The following NLRP3 variants were observed in gnomAD, a reference collection of about 807,000 sequenced individuals.
NLRP3 encodes NACHT, LRR and PYD domains-containing protein 3.
NLRP3 carries 48 observed loss-of-function variants against 91.3 expected under a neutral mutation model. That is an observed-to-expected ratio of 0.53 (90% CI 0.42 to 0.67). The LOEUF is 0.67. NLRP3 is among the 30% of genes least tolerant of loss of function. NLRP3 has a pLI of 0.00. For synonymous variants in NLRP3, 561 were observed against 507.9 expected, an observed-to-expected ratio of 1.10 and a Z score of -1.41; for missense variants, 982 against 1,276.9, an observed-to-expected ratio of 0.77 and a Z score of 3.52.
chr1:247,428,963 G>A (rs151244608), intron 4 of NLRP3, among the ~76,000 whole-genome samples: 3,644 of 150,842 alleles, frequency 0.024, 139 homozygotes, highest in African/African-American at 0.084. Flanking sequence ...CATGATCTTG[G>A]CTCACTGCAA....
At chr1:247,419,305 A>C (rs547515728) in intron 2 of NLRP3, among the ~76,000 whole-genome samples, 1 of 151,544 alleles carries the variant, frequency 6.6e-6, no homozygotes, top group Admixed American at 6.6e-5. Context: ...CAGGCATTGC[A>C]CCTCCACGCC....
intron 4 of NLRP3, among the ~76,000 whole-genome samples, chr1:247,427,603 G>A (rs1207535616): frequency 1.3e-5 from 2 of 151,112 alleles, no homozygotes; most frequent in Non-Finnish European, 2.9e-5. Context: ...TTACTCTGAG[G>A]ACAGACTCTC....
intron 7 of NLRP3, among the ~76,000 whole-genome samples, chr1:247,438,762 A>T (rs1351351064): frequency 2.6e-5 from 4 of 152,208 alleles, no homozygotes; most frequent in Admixed American, 6.5e-5. Context: ...AATTTCAACA[A>T]CAGTAGGTCT....
chr1:247,445,410 C>A (rs1485913122), intron 9 of NLRP3, among the ~76,000 whole-genome samples: 2 of 152,124 alleles, frequency 1.3e-5, no homozygotes, highest in African/African-American at 4.8e-5. Context: ...CTGTGTTAGC[C>A]AGGATGGTCT....
Position 247,444,670 on chromosome 1 carries a change from AC to A in NLRP3, c.2855del (p.Thr952SerfsTer12). 6.2e-7 allele frequency: 1 copy of A among 1,613,958 alleles called. No homozygotes were observed. Among genetic ancestry groups the A allele is most frequent in the Non-Finnish European group, 8.5e-7 (1 of 1,180,006 alleles). ...TTGCAGATTAGACAACTGCAACCTCACGTCACACTGCTGCTGGGATCTTTCC... is the reference window on the plus strand; with the variant it reads ...TTGCAGATTAGACAACTGCAACCTCAGTCACACTGCTGCTGGGATCTTTCC... ...QVLELDNCNLTSHCCWDLSTL... is the reference protein window; with the variant it reads ...QVLELDNCNLXSHCCWDLSTL... On this transcript the variant is annotated frameshift_variant, in exon 9 of 10. Coordinates refer to ENST00000336119, the MANE Select transcript of NLRP3 (RefSeq NM_001243133.2). LOFTEE classifies it high-confidence loss of function.
chr1:247,427,980 T>C (rs113723472), intron 4 of NLRP3, among the ~76,000 whole-genome samples: 19 of 98,372 alleles, frequency 1.9e-4, no homozygotes, highest in Middle Eastern at 8.8e-3. Context: ...CAGACTCTGA[T>C]TGGAGCCCTG....
In NLRP3 at chr1:247,424,146, C is replaced by T. The variant is rs1375809287; in HGVS notation, c.697C>T (p.Leu233=). Residue 233 remains leucine (L), a synonymous_variant, in exon 4 of 10, where the codon CTG becomes TTG. Transcript: ENST00000336119. The surrounding 1 kb of genome is among the most constrained non-coding windows in gnomAD (Gnocchi z 8.1). The part of the protein sequence containing the change: ...QGAAGIGKTI[L]ARKMMLDWAS... The stretch of plus-strand genomic sequence containing the variant: ...GGCGGCAGGGATTGGGAAAACAATC[C>T]TGGCCAGGAAGATGATGTTGGACTG... 3.1e-6 allele frequency: 5 copies of T among 1,614,050 alleles called. No individual in the cohort carries two copies. The South Asian group carries it at 5.5e-5, about 18-fold the overall frequency.
Position 247,429,619 on chromosome 1 carries a change from C to A in NLRP3, c.2185C>A (p.Arg729=), listed in dbSNP as rs148590318. The change falls in exon 5 of 10, where the codon CGG becomes AGG. Residue 729 remains arginine (R), a synonymous_variant. Coordinates refer to ENST00000336119, the MANE Select transcript of NLRP3 (RefSeq NM_001243133.2). ...VNSHLTSSFC[R]GLFSVLSTSQ... is the part of the protein sequence containing the mutation. Reference sequence around the variant, plus strand: ...CAGCCACCTCACTTCCAGTTTTTGCCGGGGCCTCTTTTCAGTTCTGAGCAC... The same window carrying A: ...CAGCCACCTCACTTCCAGTTTTTGCAGGGGCCTCTTTTCAGTTCTGAGCAC... 3.3e-5 allele frequency: 54 copies of A among 1,614,144 alleles called. 1 individual carries two copies. The highest frequency in any genetic ancestry group is 1.9e-4 in the South Asian group (17 of 91,084).
At chr1:247,435,878 G>A in intron 6 of NLRP3, 92 bp from the exon 7 acceptor site, 1 of 1,165,902 alleles carries the variant, frequency 8.6e-7, no homozygotes, top group Non-Finnish European at 1.3e-6. Context: ...TGTGTAAACT[G>A]GAGTAGAGGC....
intron 7 of NLRP3, among the ~76,000 whole-genome samples, chr1:247,438,934 T>A (rs1664000056): frequency 2.0e-5 from 3 of 152,172 alleles, no homozygotes; most frequent in African/African-American, 7.2e-5. Context: ...AGACTTTTTT[T>A]AATACAATAG....
intron 7 of NLRP3, among the ~76,000 whole-genome samples, chr1:247,441,551 G>A (rs955979411): frequency 1.3e-5 from 2 of 152,126 alleles, no homozygotes; most frequent in African/African-American, 4.8e-5. Flanking sequence ...AGACAGTTTT[G>A]TGACATAGGC....
chr1:247,435,027 G>A (rs766320848), intron 6 of NLRP3, among the ~76,000 whole-genome samples: 3 of 152,166 alleles, frequency 2.0e-5, no homozygotes, highest in Non-Finnish European at 4.4e-5. Flanking sequence ...TGAGGCAGGT[G>A]GATCACTGGA....
intron 4 of NLRP3, among the ~76,000 whole-genome samples, chr1:247,427,266 G>A (rs542293100): frequency 2.0e-5 from 3 of 152,178 alleles, no homozygotes; most frequent in South Asian, 4.1e-4. Context: ...AGGCCCCATC[G>A]CCTGATACGT....
intron 7 of NLRP3, among the ~76,000 whole-genome samples, chr1:247,442,457 T>C (rs1664299340): frequency 6.6e-6 from 1 of 152,124 alleles, no homozygotes; most frequent in Admixed American, 6.6e-5. Flanking sequence ...TCCTGGGTGA[T>C]AGAATGGGCT....
rs756288207 is a variant in NLRP3 at position 247,418,920 on chromosome 1, G to C, written c.120G>C (p.Pro40=). 1.9e-6 allele frequency: 3 copies of C among 1,614,078 alleles called. No individual in the cohort carries two copies. Among genetic ancestry groups the C allele is most frequent in the Non-Finnish European group, 2.5e-6 (3 of 1,179,998 alleles). Residue 40 remains proline (P), a synonymous_variant, in exon 2 of 10, where the codon CCG becomes CCC. Transcript: ENST00000336119. ...CCCAGAAGGGCTGCATCCCCCTCCC[G>C]AGGGGTCAGACAGAGAAGGCAGACC... ...YPPQKGCIPL[P]RGQTEKADHV...
chr1:247,435,900 C>T (rs1214554798), intron 6 of NLRP3, 70 bp from the exon 7 acceptor site: 60 of 1,455,396 alleles, frequency 4.1e-5, no homozygotes, highest in South Asian at 1.5e-4. Flanking sequence ...GTGGCAGGTA[C>T]GGGTGCTTCC....
Position 247,433,927 on chromosome 1 carries a change from C to T in NLRP3, c.2322-176C>T, listed in dbSNP as rs147775898. ...CTGATGCTTTCTCTATTCCGGAGCT[C>T]TCTGGTCAGGTGTGTTCTGATGCTT... On this transcript the variant is annotated intron_variant, in intron 5 of 9. Transcript: ENST00000336119. Among the ~76,000 whole-genome samples, 613 of 115,708 alleles carry T rather than the reference C, an allele frequency of 5.3e-3. 58 individuals are homozygous for T. The highest frequency in any genetic ancestry group is 0.02 in the African/African-American group (477 of 23,758). The allele number at this position is 115,708 out of a possible 152,430, so 75.9% of individuals were successfully genotyped here. A position where few individuals can be genotyped will look rare whatever the true frequency, so the allele number is the denominator to read the frequency against.
At chr1:247,420,886 C>T (rs1018627290) in intron 2 of NLRP3, among the ~76,000 whole-genome samples, 1 of 152,180 alleles carries the variant, frequency 6.6e-6, no homozygotes, top group Non-Finnish European at 1.5e-5. Context: ...CCCTCTTTAT[C>T]TGAATCTCAG....
At chr1:247,441,107 TTCTTTCTC>T (rs1237080696) in intron 7 of NLRP3, among the ~76,000 whole-genome samples, 8 of 137,238 alleles carry the variant, frequency 5.8e-5, no homozygotes, top group African/African-American at 1.3e-4. Context: ...TCCTCCTCCT[TTCTTTCTC>T]TCTTTTTCTT....
Sources: allele counts gnomAD v4.1 joint callset (sites outside exome capture counted in the v4.1 genomes callset), GRCh38; gene constraint gnomAD v4.1.1; non-coding constraint Gnocchi (gnomAD v3.1); transcripts MANE v1.5; gene names NCBI Gene and HGNC (gene_info 2026-07-23, HGNC 2026-07-21).